The following SFSWAP variants were observed in gnomAD, a reference collection of about 807,000 sequenced individuals.
SFSWAP encodes the protein splicing factor, suppressor of white-apricot homolog.
In SFSWAP, 17 loss-of-function variants were observed where a neutral mutation model predicts 100.7. The observed-to-expected ratio is 0.17, with a 90% CI of 0.12 to 0.25. SFSWAP has a LOEUF of 0.25. Among genes scored for constraint, SFSWAP ranks in the 10% least tolerant of loss-of-function variants. The probability of loss-of-function intolerance (pLI) is 1.00; values close to 1 mark genes in which losing one functional copy is unlikely to be tolerated. For synonymous variants in SFSWAP, 504 were observed against 510.1 expected (o/e 0.99, Z 0.16); for missense variants, 1,005 against 1,262.6 (o/e 0.80, Z 3.09).
intron 7 of SFSWAP, among the ~76,000 whole-genome samples, chr12:131,750,437 G>A (rs1418539053): frequency 6.6e-6 from 1 of 152,216 alleles, no homozygotes; most frequent in South Asian, 2.1e-4. Flanking sequence ...AATCACAGGT[G>A]TGTGTGGGGA....
At position 131,711,660 on chromosome 12, in the gene SFSWAP, C is replaced by G; in HGVS notation, c.218+213C>G. 3.6e-6 allele frequency: 2 copies of G among 559,408 alleles called. No individual in the cohort carries two copies. The highest frequency in any genetic ancestry group is 2.1e-5 in the South Asian group (1 of 46,990). 34.7% of individuals were successfully genotyped at this position (559,408 alleles called of 1,614,324 possible). The stretch of plus-strand genomic sequence containing the variant: ...AGGCACTGGCTGGAATTGCGTGCCG[C>G]GTCCGTCTCCGGAGGGATCGTCTCT... On this transcript the variant is annotated intron_variant, in intron 1 of 17. Coordinates refer to ENST00000261674, the MANE Select transcript of SFSWAP (RefSeq NM_004592.4). This position sits in a 1 kb window ranked among gnomAD's most constrained non-coding sequence, Gnocchi z 4.9.
chr12:131,758,844 A>C (rs1203322210), intron 11 of SFSWAP, among the ~76,000 whole-genome samples: 1 of 152,188 alleles, frequency 6.6e-6, no homozygotes, highest in African/African-American at 2.4e-5. Context: ...CTCCTCACAG[A>C]GGCTGTGAAG....
intron 7 of SFSWAP, among the ~76,000 whole-genome samples, chr12:131,747,778 C>T (rs1424015225): frequency 6.6e-6 from 1 of 152,160 alleles, no homozygotes; most frequent in Non-Finnish European, 1.5e-5. Context: ...GGGCTCTGTT[C>T]TGGACACATT....
chr12:131,790,925 G>A (rs1299054786), intron 15 of SFSWAP, among the ~76,000 whole-genome samples: 1 of 152,146 alleles, frequency 6.6e-6, no homozygotes, highest in Non-Finnish European at 1.5e-5. Flanking sequence ...ATATAAAGTA[G>A]GATTCTAGAT....
chr12:131,785,424 C>T (rs1884823149), intron 14 of SFSWAP: 2 of 480,884 alleles, frequency 4.2e-6, no homozygotes, highest in Non-Finnish European at 7.3e-6. Context: ...AATGATTCAA[C>T]GTAGAACTTT....
chr12:131,718,971 A>G lies in SFSWAP; in HGVS notation c.521-483A>G, dbSNP rs538495169. Among the ~76,000 whole-genome samples, 166 of 152,348 alleles carry G rather than the reference A, an allele frequency of 1.1e-3. 1 individual carries two copies. Among genetic ancestry groups the G allele is most frequent in the African/African-American group, 3.8e-3 (158 of 41,580 alleles). ...AGCGGCAGGGCAGGAGTTTAACTAC[A>G]GTTAACCCTTGAACAACACAGGTTT... On this transcript the variant is annotated intron_variant, in intron 3 of 17. Coordinates refer to ENST00000261674, the MANE Select transcript of SFSWAP (RefSeq NM_004592.4).
chr12:131,752,948 T>C (rs1477414436), intron 7 of SFSWAP, among the ~76,000 whole-genome samples, 175 bp from the exon 8 acceptor site: 1 of 152,200 alleles, frequency 6.6e-6, no homozygotes. Context: ...TTCTTTTAAA[T>C]TGCATATTGT....
chr12:131,798,955 C>A, intron 16 of SFSWAP, 82 bp from the exon 17 acceptor site: 1 of 964,914 alleles, frequency 1.0e-6, no homozygotes, highest in Non-Finnish European at 1.7e-6. Context: ...AGTTGGGGTT[C>A]GGAGGTGGGG....
At chr12:131,753,822 C>A (rs1046260349) in intron 8 of SFSWAP, among the ~76,000 whole-genome samples, 3 of 152,162 alleles carry the variant, frequency 2.0e-5, no homozygotes, top group Admixed American at 2.0e-4. Context: ...ACCTGTGAAG[C>A]CATCGGCAGA....
intron 7 of SFSWAP, among the ~76,000 whole-genome samples, chr12:131,741,385 C>T (rs1436741441): frequency 2.0e-5 from 3 of 152,118 alleles, no homozygotes; most frequent in Admixed American, 6.5e-5. Flanking sequence ...CCTGTAGTCC[C>T]AGCACTTTGG....
rs1177232285 is a variant in SFSWAP, at chr12:131,753,299, C to A, written c.1258C>A (p.Pro420Thr). Reference protein sequence around the residue: ...TTAPPPPGTTPLPPPTTAETS... With the variant: ...TTAPPPPGTTTLPPPTTAETS... Reference sequence around the variant, plus strand: ...CGCCCCACCACCTCCTGGGACCACACCACTACCGCCCCCAACCACAGCAGA... The same window carrying A: ...CGCCCCACCACCTCCTGGGACCACAACACTACCGCCCCCAACCACAGCAGA... Residue 420 changes from proline (P) to threonine (T), a missense_variant, in exon 8 of 18, where the codon CCA (proline) becomes ACA (threonine). Pro to Thr is a conservative substitution (Grantham distance 38, BLOSUM62 -1). Around this residue, in one of 7 missense-constraint regions of SFSWAP, gnomAD observed 311 missense variants for 317.8 expected, o/e 0.98. Coordinates refer to ENST00000261674, the MANE Select transcript of SFSWAP (RefSeq NM_004592.4). 3 of 1,611,382 alleles carry A rather than the reference C, an allele frequency of 1.9e-6. No individual in the cohort carries two copies. Among genetic ancestry groups the A allele is most frequent in the Non-Finnish European group, 2.5e-6 (3 of 1,177,570 alleles).
chr12:131,750,470 A>G (rs1458389770), intron 7 of SFSWAP, among the ~76,000 whole-genome samples: 1 of 152,220 alleles, frequency 6.6e-6, no homozygotes, highest in African/African-American at 2.4e-5. Context: ...AGCAGTGGCT[A>G]GCAGCAGACC....
intron 15 of SFSWAP, among the ~76,000 whole-genome samples, chr12:131,792,514 C>T (rs7972329): frequency 0.96 from 110,391 of 114,642 alleles, 53,145 homozygotes; most frequent in East Asian, 1. Flanking sequence ...TGTGTGCATA[C>T]GTGTGTGTTC....
intron 11 of SFSWAP, among the ~76,000 whole-genome samples, chr12:131,761,537 T>C (rs1044515039): frequency 1.3e-5 from 2 of 152,126 alleles, no homozygotes; most frequent in African/African-American, 4.8e-5. Flanking sequence ...AGCAGGCAGC[T>C]CTCAGGCAGA....
At chr12:131,761,779 C>T (rs1882699092) in intron 11 of SFSWAP, among the ~76,000 whole-genome samples, 1 of 152,162 alleles carries the variant, frequency 6.6e-6, no homozygotes. Flanking sequence ...CCTGTACTGA[C>T]CTGAGGTACC....
chr12:131,780,046 A>C (rs1032581551), intron 14 of SFSWAP, among the ~76,000 whole-genome samples: 3 of 152,158 alleles, frequency 2.0e-5, no homozygotes, highest in Non-Finnish European at 4.4e-5. Flanking sequence ...TCAGCCTCCC[A>C]CAGTGCTGGG....
chr12:131,711,122 G>C lies in SFSWAP; in HGVS notation c.-108G>C, dbSNP rs1239371065. On this transcript the variant is annotated 5_prime_UTR_variant, in exon 1 of 18. Coordinates refer to ENST00000261674, the MANE Select transcript of SFSWAP (RefSeq NM_004592.4). This position sits in a 1 kb window ranked among gnomAD's most constrained non-coding sequence, Gnocchi z 4.9. ...GGCCCGCTATGGCGGCGGTGTTGAG[G>C]TTGGGTACGGGATGCGGGGTCTTTG... 4 of 887,706 alleles carry C rather than the reference G, an allele frequency of 4.5e-6. No individual in the cohort carries two copies. Among genetic ancestry groups the C allele is most frequent in the South Asian group, 1.8e-5 (1 of 56,812 alleles). 55.0% of individuals were successfully genotyped at this position (887,706 alleles called of 1,614,324 possible).
intron 4 of SFSWAP, among the ~76,000 whole-genome samples, chr12:131,721,892 C>T (rs1266235258): frequency 6.6e-6 from 1 of 152,126 alleles, no homozygotes; most frequent in African/African-American, 2.4e-5. Context: ...CTCTCATTTG[C>T]GTCTTTCATT....
rs1257501517 is a variant in SFSWAP at position 131,730,030 on chromosome 12, T to C, written c.1081+1602T>C. Among the ~76,000 whole-genome samples, 1 of 152,258 alleles carries C rather than the reference T, an allele frequency of 6.6e-6. No individual in the cohort carries two copies. The highest frequency in any genetic ancestry group is 1.5e-5 in the Non-Finnish European group (1 of 68,042). ...CTTTAAATGATTAAATCAAGTCATA[T>C]CAAATTTCACTGAATGTTCAAATCA... On this transcript the variant is annotated intron_variant, in intron 7 of 17. Transcript: ENST00000261674. The surrounding 1 kb of genome is among the most constrained non-coding windows in gnomAD (Gnocchi z 4.0).
Sources: allele counts gnomAD v4.1 joint callset (sites outside exome capture counted in the v4.1 genomes callset), GRCh38; gene constraint gnomAD v4.1.1; regional missense constraint gnomAD v4.1.1; non-coding constraint Gnocchi (gnomAD v3.1); transcripts MANE v1.5; gene names NCBI Gene and HGNC (gene_info 2026-07-23, HGNC 2026-07-21).